Variants in FAM107A observed in about 807,000 individuals in gnomAD.
FAM107A encodes actin-associated protein FAM107A.
In FAM107A, 19 loss-of-function variants were observed where a neutral mutation model predicts 13.7. The observed-to-expected ratio is 1.38, with a 90% CI of 0.97 to 2.03. FAM107A has a LOEUF of 2.03. FAM107A is among the 30% of genes most tolerant of loss of function. The pLI, the probability that FAM107A is intolerant of heterozygous loss-of-function variation, is 0.00. For synonymous variants in FAM107A, 82 were observed against 74.5 expected (o/e 1.10, Z -0.52); for missense variants, 203 against 184.4 (o/e 1.10, Z -0.58).
intron 1 of FAM107A, among the ~76,000 whole-genome samples, chr3:58,593,902 C>T (rs998138936): frequency 4.6e-5 from 7 of 152,148 alleles, no homozygotes; most frequent in South Asian, 2.1e-4. Flanking sequence ...CCAGACATTT[C>T]GCACCAACAA....
At chr3:58,575,975 AGAG>A (rs766865040) in intron 1 of FAM107A, among the ~76,000 whole-genome samples, 2 of 152,254 alleles carry the variant, frequency 1.3e-5, no homozygotes, top group Non-Finnish European at 2.9e-5. Context: ...ATGCCAGGGC[AGAG>A]GAGAAGAGAG....
chr3:58,580,130 A>G (rs1385442416), upstream of FAM107A, among the ~76,000 whole-genome samples: 1 of 152,174 alleles, frequency 6.6e-6, no homozygotes, highest in Non-Finnish European at 1.5e-5. Flanking sequence ...CTACACCCCA[A>G]GACGAGATGC....
chr3:58,616,862 C>T lies in FAM107A; in HGVS notation c.-70+10554G>A, dbSNP rs576387741. Among the ~76,000 whole-genome samples the T allele has an allele frequency of 4.8e-3, 726 of 152,294 alleles. 5 individuals carry two copies. The highest frequency in any genetic ancestry group is 0.038 in the South Asian group (182 of 4,824). On this transcript the variant is annotated intron_variant, in intron 1 of 3. Coordinates refer to the FAM107A transcript ENST00000465970. ...GATCTCGGCTCACTGCAAGCTCCGC[C>T]TCCCGGGTTCAAGTGATTCTCCTGC...
intron 2 of FAM107A, among the ~76,000 whole-genome samples, chr3:58,568,285 A>G (rs2063643729): frequency 2.0e-5 from 3 of 152,002 alleles, no homozygotes. Context: ...ATACAAAAGA[A>G]TTAGCCGAGT....
chr3:58,610,976 G>C (rs959455723), intron 1 of FAM107A, among the ~76,000 whole-genome samples: 9 of 152,174 alleles, frequency 5.9e-5, no homozygotes, highest in Non-Finnish European at 1.0e-4. Context: ...TGGATCATGG[G>C]GGCTGTTACC....
chr3:58,591,923 GC>G (rs2065657413), upstream of FAM107A, among the ~76,000 whole-genome samples: 1 of 152,144 alleles, frequency 6.6e-6, no homozygotes, highest in African/African-American at 2.4e-5. The surrounding 1 kb of genome is among the most constrained non-coding windows in gnomAD (Gnocchi z 4.3). Flanking sequence ...CCACATAAAG[GC>G]CTCTGTGCTG....
At chr3:58,589,121 A>G (rs2065634288), upstream of FAM107A, 8 of 863,648 alleles carry the variant, frequency 9.3e-6, no homozygotes, top group Non-Finnish European at 1.5e-5. Context: ...ACTCAGGGAA[A>G]TTGTGGCCAT....
At chr3:58,606,509 A>G (rs1021625349) in intron 1 of FAM107A, among the ~76,000 whole-genome samples, 1 of 152,184 alleles carries the variant, frequency 6.6e-6, no homozygotes, top group African/African-American at 2.4e-5. Flanking sequence ...GTGGCACTTC[A>G]CAAGGTGTAG....
chr3:58,626,882 G>T (rs1244995231), intron 1 of FAM107A: 12 of 1,296,774 alleles, frequency 9.3e-6, no homozygotes, highest in Non-Finnish European at 1.3e-5. Flanking sequence ...GGCTGAAGCT[G>T]CAGGGTAGGT....
upstream of FAM107A, among the ~76,000 whole-genome samples, chr3:58,580,332 A>G (rs1472977963): frequency 6.7e-6 from 1 of 148,510 alleles, no homozygotes; most frequent in African/African-American, 2.5e-5. Context: ...CTCAAATACT[A>G]TTACTAGATG....
intron 1 of FAM107A, among the ~76,000 whole-genome samples, chr3:58,592,258 T>G (rs1422140902): frequency 6.6e-6 from 1 of 152,206 alleles, no homozygotes; most frequent in Non-Finnish European, 1.5e-5. Context: ...CTCAGCTCTC[T>G]TCACACAGAC....
chr3:58,581,775 C>T (rs963900871), upstream of FAM107A, among the ~76,000 whole-genome samples: 1 of 152,130 alleles, frequency 6.6e-6, no homozygotes, highest in Non-Finnish European at 1.5e-5. Context: ...GGATTTCAAG[C>T]GTGAAAATGG....
chr3:58,621,314 G>C (rs1440964876), intron 1 of FAM107A, among the ~76,000 whole-genome samples: 1 of 152,116 alleles, frequency 6.6e-6, no homozygotes, highest in East Asian at 1.9e-4. Flanking sequence ...TAAGGACTGG[G>C]GCCAGCTTTC....
upstream of FAM107A, among the ~76,000 whole-genome samples, chr3:58,581,608 G>A (rs77372721): frequency 0.11 from 16,239 of 151,318 alleles, 1,170 homozygotes; most frequent in Non-Finnish European, 0.15. Flanking sequence ...CGTGCCCCCC[G>A]CCTCTCAAAC....
At chr3:58,583,624 A>C (rs1297713046) in intron 1 of FAM107A, among the ~76,000 whole-genome samples, 15 of 144,508 alleles carry the variant, frequency 1.0e-4, no homozygotes, top group Non-Finnish European at 8.8e-5. Flanking sequence ...CTCTGTCAAA[A>C]AAAAAAAAAA....
chr3:58,594,402 G>A (rs2065681328), intron 1 of FAM107A, among the ~76,000 whole-genome samples: 1 of 152,088 alleles, frequency 6.6e-6, no homozygotes, highest in Non-Finnish European at 1.5e-5. Context: ...CCTCTACCCA[G>A]TTGCCCCATC....
At chr3:58,567,128 T>C in intron 3 of FAM107A, 80 bp downstream of exon 3, 1 of 1,515,002 alleles carries the variant, frequency 6.6e-7, no homozygotes, top group Non-Finnish European at 9.2e-7. Context: ...TCCCTCTTAC[T>C]AGCTGTGGCC....
chr3:58,578,575 C>T (rs1213534728), upstream of FAM107A, among the ~76,000 whole-genome samples: 1 of 151,932 alleles, frequency 6.6e-6, no homozygotes, highest in Non-Finnish European at 1.5e-5. Flanking sequence ...CAAAAAAACC[C>T]AAAAAACAAA....
At chr3:58,612,257 T>G (rs2065861458) in intron 1 of FAM107A, among the ~76,000 whole-genome samples, 1 of 152,164 alleles carries the variant, frequency 6.6e-6, no homozygotes, top group Non-Finnish European at 1.5e-5. Context: ...TGTGGCATGT[T>G]GGTATCAGTG....
Sources: gnomAD v4.1 joint callset for allele counts (sites outside exome capture counted in the v4.1 genomes callset) on GRCh38, gnomAD v4.1.1 for gene constraint, Gnocchi (gnomAD v3.1) non-coding constraint, MANE v1.5 for transcripts, NCBI Gene and HGNC (gene_info 2026-07-23, HGNC 2026-07-21) for gene names.